FLVCR2: variants seen among roughly 807,000 people sequenced by gnomAD.
FLVCR2 encodes choline/ethanolamine transporter FLVCR2.
A neutral mutation model predicts 48.9 loss-of-function variants in FLVCR2; 38 were observed. That is an observed-to-expected ratio of 0.78 (90% confidence interval 0.60 to 1.02). FLVCR2 has a LOEUF of 1.02. Among genes scored for constraint, FLVCR2 ranks in the 50% least tolerant of loss-of-function variants. The pLI, the probability that FLVCR2 is intolerant of heterozygous loss-of-function variation, is 0.00. For missense variants in FLVCR2, 664 were observed against 663.3 expected, an observed-to-expected ratio of 1.00 and a Z score of -0.01; for synonymous variants, 255 against 257.0, an observed-to-expected ratio of 0.99 and a Z score of 0.07.
chr14:75,621,945 GA>G, intron 1 of FLVCR2, 133 bp from the exon 2 acceptor site: 2 of 976,240 alleles, frequency 2.0e-6, no homozygotes, highest in East Asian at 4.8e-5. Flanking sequence ...TTTGAGGTGA[GA>G]AATAATCCCT....
At chr14:75,591,820 T>G (rs1392508575) in intron 1 of FLVCR2, among the ~76,000 whole-genome samples, 70 of 146,610 alleles carry the variant, frequency 4.8e-4, no homozygotes, top group Middle Eastern at 3.4e-3. Flanking sequence ...TTTTTTTTTT[T>G]TTTTTTTTTT....
intron 3 of FLVCR2, among the ~76,000 whole-genome samples, chr14:75,630,489 T>C (rs961712775): frequency 2.6e-5 from 4 of 152,136 alleles, no homozygotes; most frequent in Non-Finnish European, 5.9e-5. Flanking sequence ...AGGTCTATGG[T>C]AGGGCCTCAA....
intron 1 of FLVCR2, 59 bp downstream of exon 1, chr14:75,579,700 T>C: frequency 3.2e-6 from 5 of 1,570,056 alleles, no homozygotes; most frequent in Non-Finnish European, 4.4e-6. Flanking sequence ...ACCTAACTAT[T>C]GGGTGTGGTA....
chr14:75,644,129 C>T (rs1207473117), intron 9 of FLVCR2, among the ~76,000 whole-genome samples: 1 of 111,930 alleles, frequency 8.9e-6, no homozygotes, highest in African/African-American at 3.7e-5. Flanking sequence ...TGGAACGTGA[C>T]GTATTATGTC....
rs1299600549 is a variant in FLVCR2 at position 75,622,168 on chromosome 14, G to A, written c.759G>A (p.Met253Ile). 4 of 1,613,872 alleles carry A rather than the reference G, an allele frequency of 2.5e-6. No homozygotes were observed. Among genetic ancestry groups the A allele is most frequent in the African/African-American group, 1.3e-5 (1 of 74,886 alleles). Residue 253 changes from methionine (M) to isoleucine (I), a missense_variant, in exon 2 of 10, where the codon ATG (methionine) becomes ATA (isoleucine). By Grantham distance (10) the Met-to-Ile change is conservative (BLOSUM62 1). Coordinates refer to ENST00000238667, the MANE Select transcript of FLVCR2 (RefSeq NM_017791.3). ...RDELAYHISIMFYIIGGVATL... is the reference protein window; with the variant it reads ...RDELAYHISIIFYIIGGVATL... ...AGCTTGCCTACCACATCAGCATCAT[G>A]TTCTATATAATAGGAGGTGTGGCCA...
chr14:75,624,524 T>C lies in FLVCR2; in HGVS notation c.812-88T>C, dbSNP rs1413907682. 3.4e-6 allele frequency: 5 copies of C among 1,476,342 alleles called. No homozygotes were observed. In the South Asian group the frequency reaches 3.4e-5, roughly 10 times the overall value. The allele number at this position is 1,476,342 out of a possible 1,614,324, so 91.5% of individuals were successfully genotyped here. Reference sequence around the variant, plus strand: ...TTTGGGAGTCTTAGCTCCTCTCAGATGATGGAGCAGCTTTCATTCATGTGG... The same window carrying C: ...TTTGGGAGTCTTAGCTCCTCTCAGACGATGGAGCAGCTTTCATTCATGTGG... On this transcript the variant is annotated intron_variant, in intron 2 of 9. Transcript: ENST00000238667.
chr14:75,587,208 G>T (rs1888771965), intron 1 of FLVCR2, among the ~76,000 whole-genome samples: 1 of 152,032 alleles, frequency 6.6e-6, no homozygotes, highest in South Asian at 2.1e-4. Flanking sequence ...GATAAATCTT[G>T]CAACTTTATC....
intron 1 of FLVCR2, among the ~76,000 whole-genome samples, chr14:75,611,226 T>C (rs1889436574): frequency 6.6e-6 from 1 of 152,058 alleles, no homozygotes; most frequent in Non-Finnish European, 1.5e-5. Context: ...CACCCTTGCT[T>C]CCTCCGACAG....
chr14:75,593,408 T>C (rs1364342788), intron 1 of FLVCR2, among the ~76,000 whole-genome samples: 1 of 152,212 alleles, frequency 6.6e-6, no homozygotes, highest in African/African-American at 2.4e-5. Context: ...GCTCTCATGC[T>C]ACATTATAAC....
intron 3 of FLVCR2, among the ~76,000 whole-genome samples, chr14:75,629,157 C>G (rs991217447): frequency 2.0e-5 from 3 of 152,130 alleles, no homozygotes; most frequent in African/African-American, 7.2e-5. Flanking sequence ...TCTGGCTACA[C>G]TCTTAGAGGT....
At chr14:75,621,412 A>T (rs955194690) in intron 1 of FLVCR2, among the ~76,000 whole-genome samples, 106 of 151,990 alleles carry the variant, frequency 7.0e-4, no homozygotes, top group Non-Finnish European at 1.3e-3. Context: ...ATTTAAAAAA[A>T]AAAAAAGAAA....
At chr14:75,594,794 A>C (rs1389242695) in intron 1 of FLVCR2, among the ~76,000 whole-genome samples, 7 of 151,724 alleles carry the variant, frequency 4.6e-5, no homozygotes, top group African/African-American at 1.2e-4. Context: ...AACACAGCTC[A>C]CCTCAGCCCC....
intron 1 of FLVCR2, chr14:75,596,135 G>T: frequency 2.4e-6 from 2 of 850,656 alleles, no homozygotes; most frequent in South Asian, 2.6e-5. Context: ...GGATATCAAT[G>T]ACTGTTTGTT....
At chr14:75,622,432 G>A (rs1303524845) in intron 2 of FLVCR2, among the ~76,000 whole-genome samples, 1 of 152,182 alleles carries the variant, frequency 6.6e-6, no homozygotes, top group Non-Finnish European at 1.5e-5. Flanking sequence ...TAGTGGCTAA[G>A]GAAAGGTTTA....
At chr14:75,609,249 AAGAGAGATTAC>A (rs1384621638) in intron 1 of FLVCR2, among the ~76,000 whole-genome samples, 1 of 152,138 alleles carries the variant, frequency 6.6e-6, no homozygotes, top group African/African-American at 2.4e-5. Flanking sequence ...CATTGAAGGG[AAGAGAGATTAC>A]ACTATAAGCC....
intron 1 of FLVCR2, among the ~76,000 whole-genome samples, chr14:75,618,557 A>G (rs1396506097): frequency 6.6e-6 from 1 of 152,256 alleles, no homozygotes; most frequent in African/African-American, 2.4e-5. Context: ...AAAACCAGTT[A>G]GCAGTGACAT....
intron 1 of FLVCR2, among the ~76,000 whole-genome samples, chr14:75,592,505 G>A (rs541493185): frequency 6.6e-6 from 1 of 152,252 alleles, no homozygotes; most frequent in Non-Finnish European, 1.5e-5. Context: ...TTTAGCAAAA[G>A]GTCCCTTGGC....
At chr14:75,645,873 G>C (rs7148080) in intron 9 of FLVCR2, among the ~76,000 whole-genome samples, 2,320 of 144,856 alleles carry the variant, frequency 0.016, 74 homozygotes, top group African/African-American at 0.057. Flanking sequence ...AGCCGAGATC[G>C]CGCCATTGCA....
intron 1 of FLVCR2, among the ~76,000 whole-genome samples, chr14:75,608,932 TACA>T (rs949637028): frequency 1.3e-5 from 2 of 152,194 alleles, no homozygotes; most frequent in Admixed American, 1.3e-4. Context: ...GTCTCTGTTC[TACA>T]ACAAGTTCCT....
Sources: allele counts gnomAD v4.1 joint callset (sites outside exome capture counted in the v4.1 genomes callset), GRCh38; gene constraint gnomAD v4.1.1; transcripts MANE v1.5; gene names NCBI Gene and HGNC (gene_info 2026-07-23, HGNC 2026-07-21).